PHLPP2: variants seen among roughly 807,000 people sequenced by gnomAD.
PHLPP2 encodes the protein PH domain and leucine rich repeat protein phosphatase 2.
In PHLPP2, 66 loss-of-function variants were observed where a neutral mutation model predicts 124.9. That is an observed-to-expected ratio of 0.53 (90% CI 0.43 to 0.65). PHLPP2 has a LOEUF of 0.65. Among genes scored for constraint, PHLPP2 ranks in the 30% least tolerant of loss-of-function variants. The pLI is 0.00. For missense variants in PHLPP2, 1,685 were observed against 1,600.4 expected (o/e 1.05, Z -0.90); for synonymous variants, 681 against 624.7 (o/e 1.09, Z -1.34).
chr16:71,714,188 C>T (rs1450810681), intron 2 of PHLPP2, among the ~76,000 whole-genome samples: 2 of 152,224 alleles, frequency 1.3e-5, no homozygotes, highest in Non-Finnish European at 2.9e-5. Context: ...GATACACCCA[C>T]CTCAGCCTCC....
At chr16:71,676,873 C>T (rs1027882647) in intron 8 of PHLPP2, 1 of 485,278 alleles carries the variant, frequency 2.1e-6, no homozygotes, top group African/African-American at 2.0e-5. Context: ...TTCAGCCTCC[C>T]AAGTTGCTGG....
chr16:71,690,910 A>G (rs2045105199), intron 3 of PHLPP2, among the ~76,000 whole-genome samples: 1 of 152,178 alleles, frequency 6.6e-6, no homozygotes, highest in Non-Finnish European at 1.5e-5. Flanking sequence ...TGGTCTATGA[A>G]GCAAAATTGT....
chr16:71,658,181 A>G, intron 15 of PHLPP2, 52 bp downstream of exon 15: 3 of 1,538,060 alleles, frequency 2.0e-6, no homozygotes, highest in Non-Finnish European at 1.8e-6. Context: ...AGACCTACAC[A>G]TGGCTGGTGG....
At chr16:71,676,370 C>T in intron 9 of PHLPP2, 77 bp downstream of exon 9, 1 of 1,151,234 alleles carries the variant, frequency 8.7e-7, no homozygotes, top group Admixed American at 1.9e-5. Context: ...CTGAGGAACA[C>T]CACAGGTGCC....
chr16:71,692,407 T>G (rs2045124027), intron 3 of PHLPP2, among the ~76,000 whole-genome samples: 1 of 152,062 alleles, frequency 6.6e-6, no homozygotes, highest in Admixed American at 6.6e-5. Context: ...CTTTGCCTAT[T>G]TAAATTAGGT....
At chr16:71,692,136 C>G (rs1469215180) in intron 3 of PHLPP2, among the ~76,000 whole-genome samples, 1 of 151,856 alleles carries the variant, frequency 6.6e-6, no homozygotes, top group Admixed American at 6.6e-5. Flanking sequence ...GTGGCGCGAT[C>G]TCGGCTCACT....
Position 71,648,794 on chromosome 16 carries a change from C to T in PHLPP2, c.*96G>A, listed in dbSNP as rs958371869. 6 of 900,352 alleles carry T rather than the reference C, an allele frequency of 6.7e-6. No homozygotes were observed. Among genetic ancestry groups the T allele is most frequent in the African/African-American group, 5.0e-5 (3 of 59,712 alleles). The allele number at this position is 900,352 out of a possible 1,614,324, so 55.8% of individuals were successfully genotyped here. ...TCAAAACAAACAAACAAAAAAAAAA[C>T]GAACAAACAAAAAGAAATGTAGAGG... On this transcript the variant is annotated 3_prime_UTR_variant, in exon 19 of 19. Transcript: ENST00000568954.
intron 5 of PHLPP2, among the ~76,000 whole-genome samples, chr16:71,683,749 T>G (rs1007925518): frequency 6.6e-6 from 1 of 152,176 alleles, no homozygotes; most frequent in African/African-American, 2.4e-5. Flanking sequence ...AAATTAAAAA[T>G]TATAATTTGC....
chr16:71,718,529 G>A (rs983651354), intron 1 of PHLPP2, among the ~76,000 whole-genome samples: 2 of 150,932 alleles, frequency 1.3e-5, no homozygotes, highest in African/African-American at 2.4e-5. Context: ...ACAGTGAGCC[G>A]AGATTGCGCC....
At chr16:71,679,571 A>G (rs2044978136) in intron 6 of PHLPP2, 36 bp from the exon 7 acceptor site, 3 of 1,573,822 alleles carry the variant, frequency 1.9e-6, no homozygotes, top group Non-Finnish European at 2.6e-6. Flanking sequence ...ATTGCATTTC[A>G]ATACATCTAT....
In PHLPP2 at chr16:71,658,782, C is replaced by T; in HGVS notation, c.2019G>A (p.Leu673=). The change falls in exon 14 of 19, where the codon CTG becomes CTA. Residue 673 remains leucine, a synonymous_variant. Coordinates refer to ENST00000568954, the MANE Select transcript of PHLPP2 (RefSeq NM_015020.3). ...KLNKLEQLEE[L]NLSGNKLKTI... ...TTTTAAGCTTGTTGCCACTTAGGTT[C>T]AGTTCCTCCAATTGCTCCAATTTAT... 1 of 1,614,136 alleles carries T rather than the reference C, an allele frequency of 6.2e-7. No individual in the cohort carries two copies. Among genetic ancestry groups the T allele is most frequent in the Non-Finnish European group, 8.5e-7 (1 of 1,180,020 alleles).
intron 3 of PHLPP2, among the ~76,000 whole-genome samples, chr16:71,692,497 T>C (rs1470403587): frequency 6.6e-6 from 1 of 152,252 alleles, no homozygotes; most frequent in Admixed American, 6.5e-5. Flanking sequence ...GGAAATGAGC[T>C]AGATTACTTC....
intron 3 of PHLPP2, among the ~76,000 whole-genome samples, chr16:71,702,049 G>A (rs2045237640): frequency 6.6e-6 from 1 of 152,236 alleles, no homozygotes; most frequent in Admixed American, 6.5e-5. Context: ...AATCAGATAA[G>A]AAGCATGTTA....
Position 71,684,554 on chromosome 16 carries a change from T to G in PHLPP2, c.657A>C (p.Ala219=), listed in dbSNP as rs747324341. The change falls in exon 5 of 19, where the codon GCA becomes GCC. Residue 219 remains alanine (A), a synonymous_variant. Coordinates refer to ENST00000568954, the MANE Select transcript of PHLPP2 (RefSeq NM_015020.3). The part of the protein sequence containing the change: ...RRQYSLAFSS[A]GAQAQTYHVS... ...CATGATAGGTCTGAGCTTGGGCTCCTGCTGAGCTGAAAGCAAGGGAGTATT... is the reference window on the plus strand; with the variant it reads ...CATGATAGGTCTGAGCTTGGGCTCCGGCTGAGCTGAAAGCAAGGGAGTATT... 2 of 1,613,920 alleles carry G rather than the reference T, an allele frequency of 1.2e-6. No individual in the cohort carries two copies. The highest frequency in any genetic ancestry group is 2.2e-5 in the East Asian group (1 of 44,870).
intron 3 of PHLPP2, among the ~76,000 whole-genome samples, chr16:71,702,053 C>T (rs1314992235): frequency 1.3e-5 from 2 of 152,094 alleles, no homozygotes; most frequent in Non-Finnish European, 2.9e-5. Flanking sequence ...AGATAAGAAG[C>T]ATGTTACTGT....
intron 3 of PHLPP2, among the ~76,000 whole-genome samples, chr16:71,691,333 C>T (rs192740331): frequency 1.3e-5 from 2 of 151,982 alleles, no homozygotes; most frequent in African/African-American, 4.8e-5. Flanking sequence ...TGGTGGCGGA[C>T]ACCTATAGTC....
intron 2 of PHLPP2, among the ~76,000 whole-genome samples, chr16:71,710,162 A>G (rs1325543391): frequency 3.3e-5 from 5 of 152,116 alleles, no homozygotes; most frequent in African/African-American, 7.2e-5. Flanking sequence ...ACACATTTCA[A>G]TAAGTCTCTC....
chr16:71,660,985 T>C (rs1168477070), intron 13 of PHLPP2, among the ~76,000 whole-genome samples: 1 of 152,148 alleles, frequency 6.6e-6, no homozygotes, highest in Non-Finnish European at 1.5e-5. Flanking sequence ...TTTTTAAAAA[T>C]ATGTTGTTCC....
At chr16:71,702,527 G>C in intron 3 of PHLPP2, 71 bp downstream of exon 3, 7 of 1,270,948 alleles carry the variant, frequency 5.5e-6, no homozygotes, top group Middle Eastern at 2.8e-4. Context: ...TTAAAAAGCT[G>C]ACGGCAGATA....
Sources: allele counts gnomAD v4.1 joint callset (sites outside exome capture counted in the v4.1 genomes callset), GRCh38; gene constraint gnomAD v4.1.1; transcripts MANE v1.5; gene names NCBI Gene and HGNC (gene_info 2026-07-23, HGNC 2026-07-21).